The following GABBR2 variants were observed in gnomAD, a reference collection of about 807,000 sequenced individuals.
The protein encoded by GABBR2 is gamma-aminobutyric acid type B receptor subunit 2.
GABBR2 carries 23 observed loss-of-function variants against 105.6 expected under a neutral mutation model. The observed-to-expected ratio is 0.22, with a 90% CI of 0.16 to 0.31. GABBR2 has a LOEUF of 0.31. GABBR2 is among the 10% of genes least tolerant of loss of function. The probability of loss-of-function intolerance (pLI) is 1.00; values close to 1 mark genes in which losing one functional copy is unlikely to be tolerated. For missense variants in GABBR2, 734 were observed against 1,245.5 expected, an observed-to-expected ratio of 0.59 and a Z score of 6.18; for synonymous variants, 478 against 499.7, an observed-to-expected ratio of 0.96 and a Z score of 0.58.
At chr9:98,319,036 C>T (rs7048411) in intron 13 of GABBR2, among the ~76,000 whole-genome samples, 25,140 of 151,854 alleles carry the variant, frequency 0.17, 2,853 homozygotes, top group African/African-American at 0.32. Flanking sequence ...TCAACATGGC[C>T]TCTTTTGGGG....
chr9:98,325,450 C>G (rs999243473), intron 13 of GABBR2, among the ~76,000 whole-genome samples: 2 of 152,010 alleles, frequency 1.3e-5, no homozygotes, highest in African/African-American at 4.8e-5. Context: ...TGCCACAACA[C>G]CCGGCTGATT....
At chr9:98,691,571 A>G (rs900086497) in intron 1 of GABBR2, among the ~76,000 whole-genome samples, 1 of 152,180 alleles carries the variant, frequency 6.6e-6, no homozygotes, top group South Asian at 2.1e-4. Flanking sequence ...GCCCTTGGTG[A>G]GCACTGATTG....
intron 11 of GABBR2, among the ~76,000 whole-genome samples, chr9:98,372,437 AT>A (rs1397523182): frequency 6.6e-6 from 1 of 152,206 alleles, no homozygotes; most frequent in East Asian, 1.9e-4. Context: ...CACGTGCCCC[AT>A]GAGTTGCAGC....
At chr9:98,423,662 A>G (rs541828106) in intron 7 of GABBR2, among the ~76,000 whole-genome samples, 495 of 152,248 alleles carry the variant, frequency 3.3e-3, no homozygotes, top group Non-Finnish European at 5.0e-3. Flanking sequence ...TTGGTGTTTT[A>G]GACATGAAGT....
intron 13 of GABBR2, among the ~76,000 whole-genome samples, chr9:98,320,631 T>C (rs1454393823): frequency 1.3e-5 from 2 of 152,104 alleles, no homozygotes; most frequent in Non-Finnish European, 2.9e-5. Context: ...ATATACACCA[T>C]GGAATACTGT....
At position 98,496,403 on chromosome 9, in the gene GABBR2, C is replaced by T. The variant is rs1431384138; in HGVS notation, c.732+10G>A. 1 of 1,559,958 alleles carries T rather than the reference C, an allele frequency of 6.4e-7. No homozygotes were observed. Among genetic ancestry groups the T allele is most frequent in the Non-Finnish European group, 8.8e-7 (1 of 1,130,838 alleles). ...AGTCTGCCATTCACCCTGTGGCTAG[C>T]CACACCTACCTTCAGCTTTTTGACA... On this transcript the variant is annotated intron_variant, in intron 4 of 18. Coordinates refer to ENST00000259455, the MANE Select transcript of GABBR2 (RefSeq NM_005458.8).
intron 13 of GABBR2, among the ~76,000 whole-genome samples, chr9:98,347,758 G>C (rs1831325156): frequency 6.6e-6 from 1 of 152,098 alleles, no homozygotes; most frequent in Admixed American, 6.5e-5. Flanking sequence ...TGTATGGTGA[G>C]AAATAGGGGT....
chr9:98,590,885 G>C (rs1476100824), intron 1 of GABBR2, among the ~76,000 whole-genome samples: 1 of 152,212 alleles, frequency 6.6e-6, no homozygotes, highest in African/African-American at 2.4e-5. Context: ...GTAGTAAATG[G>C]TGTAATGGAG....
intron 1 of GABBR2, among the ~76,000 whole-genome samples, chr9:98,611,025 C>T (rs1054320868): frequency 1.2e-4 from 19 of 152,148 alleles, no homozygotes; most frequent in African/African-American, 4.6e-4. Flanking sequence ...AACAAGGTGC[C>T]TCCTTGACAT....
intron 13 of GABBR2, among the ~76,000 whole-genome samples, chr9:98,318,514 G>A (rs976072363): frequency 5.3e-5 from 8 of 152,164 alleles, no homozygotes; most frequent in East Asian, 1.9e-4. Flanking sequence ...TGGCCAGGGC[G>A]GTTAGGGGTG....
At chr9:98,394,468 G>A (rs928649773) in intron 8 of GABBR2, among the ~76,000 whole-genome samples, 3 of 152,204 alleles carry the variant, frequency 2.0e-5, no homozygotes, top group Admixed American at 6.5e-5. Context: ...TCAACTGGTT[G>A]TCCATCCTTT....
In GABBR2 at chr9:98,378,153, A is replaced by T. The variant is rs1045338847; in HGVS notation, c.1663-6582T>A. Among the ~76,000 whole-genome samples, 3 of 152,336 alleles carry T rather than the reference A, an allele frequency of 2.0e-5. No individual in the cohort carries two copies. In the East Asian group the frequency reaches 5.8e-4, roughly 29 times the overall value. On this transcript the variant is annotated intron_variant, in intron 11 of 18. Transcript: ENST00000259455. ...ATTAATTCCTACCAGACTTGAATTT[A>T]CTGGGAGGCCAAGTGGGTGTTCCTA...
intron 2 of GABBR2, among the ~76,000 whole-genome samples, chr9:98,577,542 G>A (rs1481333042): frequency 6.6e-6 from 1 of 152,210 alleles, no homozygotes; most frequent in Non-Finnish European, 1.5e-5. Context: ...GTGAGAGCAG[G>A]GCTCTGAGGC....
intron 1 of GABBR2, among the ~76,000 whole-genome samples, chr9:98,602,421 G>A (rs1156399469): frequency 2.7e-5 from 4 of 146,100 alleles, no homozygotes; most frequent in South Asian, 2.2e-4. Context: ...GCAGTGAGCC[G>A]AGATCGCACC....
At chr9:98,703,789 C>T (rs947549640) in intron 1 of GABBR2, among the ~76,000 whole-genome samples, 1 of 146,776 alleles carries the variant, frequency 6.8e-6, no homozygotes, top group Non-Finnish European at 1.5e-5. Flanking sequence ...CCACCACACT[C>T]AGTCTATCTT....
intron 2 of GABBR2, among the ~76,000 whole-genome samples, chr9:98,556,573 T>G (rs1588227256): frequency 6.6e-6 from 1 of 152,080 alleles, no homozygotes; most frequent in African/African-American, 2.4e-5. Context: ...GGGGCGGGGC[T>G]GGGGTTGCGC....
intron 2 of GABBR2, among the ~76,000 whole-genome samples, chr9:98,576,521 T>G (rs1042815613): frequency 3.3e-5 from 5 of 152,144 alleles, no homozygotes. Flanking sequence ...CTTACTACAG[T>G]CTTATCTTAA....
At chr9:98,598,121 C>A (rs759436065) in intron 1 of GABBR2, among the ~76,000 whole-genome samples, 10 of 152,206 alleles carry the variant, frequency 6.6e-5, no homozygotes, top group Non-Finnish European at 1.0e-4. Flanking sequence ...CTGCGCCCAG[C>A]CTACTTATAA....
At chr9:98,641,062 C>T (rs1446979414) in intron 1 of GABBR2, among the ~76,000 whole-genome samples, 1 of 152,102 alleles carries the variant, frequency 6.6e-6, no homozygotes, top group Non-Finnish European at 1.5e-5. Flanking sequence ...TCCCCTCCAC[C>T]CCTATTGAGG....
Sources: gnomAD v4.1 joint callset for allele counts (sites outside exome capture counted in the v4.1 genomes callset) on GRCh38, gnomAD v4.1.1 for gene constraint, MANE v1.5 for transcripts, NCBI Gene and HGNC (gene_info 2026-07-23, HGNC 2026-07-21) for gene names.